Variants in IRAG1 observed in about 807,000 individuals in gnomAD.
IRAG1 encodes the protein inositol 1,4,5-triphosphate receptor associated 1.
In IRAG1, 62 loss-of-function variants were observed where a neutral mutation model predicts 106.2. That is an observed-to-expected ratio of 0.58 (90% confidence interval 0.48 to 0.72). The LOEUF is 0.72. Ranked by LOEUF, IRAG1 falls within the 30% of genes least tolerant of loss-of-function variation. IRAG1 has a pLI of 0.00. For missense variants in IRAG1, 1,064 were observed against 1,140.7 expected (o/e 0.93, Z 0.97); for synonymous variants, 462 against 443.9 (o/e 1.04, Z -0.51).
rs1333409112 is a variant in IRAG1 at position 10,573,901 on chromosome 11, G to C, written c.*2431C>G. On this transcript the variant is annotated 3_prime_UTR_variant, in exon 21 of 21. Coordinates refer to ENST00000423302, the MANE Select transcript of IRAG1 (RefSeq NM_130385.4). Reference sequence around the variant, plus strand: ...GCTCTGAGGGCCTCATGTAGCTAAAGCTCCTTCAGTTGTATCCAGACCCCC... The same window carrying C: ...GCTCTGAGGGCCTCATGTAGCTAAACCTCCTTCAGTTGTATCCAGACCCCC... The C allele has an allele frequency of 1.3e-5, 2 of 152,318 alleles. No individual in the cohort carries two copies. Among genetic ancestry groups the C allele is most frequent in the Non-Finnish European group, 1.5e-5 (1 of 68,152 alleles). 9.4% of individuals were successfully genotyped at this position (152,318 alleles called of 1,614,324 possible).
At chr11:10,653,029 C>T (rs1210389339) in intron 1 of IRAG1, among the ~76,000 whole-genome samples, 1 of 152,144 alleles carries the variant, frequency 6.6e-6, no homozygotes, top group East Asian at 1.9e-4. Context: ...ATTGGGACTG[C>T]AATCAGCATA....
chr11:10,587,962 A>G (rs1027145265), intron 18 of IRAG1, among the ~76,000 whole-genome samples: 1 of 152,228 alleles, frequency 6.6e-6, no homozygotes, highest in Non-Finnish European at 1.5e-5. Context: ...TAAAACAGAG[A>G]TATTAATAGT....
intron 1 of IRAG1, among the ~76,000 whole-genome samples, chr11:10,669,499 C>T (rs890373539): frequency 6.6e-6 from 1 of 152,200 alleles, no homozygotes; most frequent in Non-Finnish European, 1.5e-5. Flanking sequence ...GCAAATACAG[C>T]GACTCATTTC....
At chr11:10,684,201 T>A (rs931949398) in intron 1 of IRAG1, among the ~76,000 whole-genome samples, 1 of 152,126 alleles carries the variant, frequency 6.6e-6, no homozygotes, top group African/African-American at 2.4e-5. Context: ...AGACTTGGAA[T>A]CAACCCAAAT....
At chr11:10,664,920 T>C (rs931480121) in intron 1 of IRAG1, among the ~76,000 whole-genome samples, 1 of 152,182 alleles carries the variant, frequency 6.6e-6, no homozygotes, top group Non-Finnish European at 1.5e-5. Context: ...TCTTCTCAGA[T>C]CCTGATCAAG....
chr11:10,633,175 C>T lies in IRAG1; in HGVS notation c.329+793G>A, dbSNP rs564934415. Reference sequence around the variant, plus strand: ...CTGCAAGCTCCGCCTCCCGGGTTCACGCCATTCTCCTGCCTCAGCCTCCCG... The same window carrying T: ...CTGCAAGCTCCGCCTCCCGGGTTCATGCCATTCTCCTGCCTCAGCCTCCCG... On this transcript the variant is annotated intron_variant, in intron 3 of 20. Transcript: ENST00000423302. Among the ~76,000 whole-genome samples, 71 of 151,010 alleles carry T rather than the reference C, an allele frequency of 4.7e-4. 1 individual carries two copies. In the South Asian group the frequency reaches 8.6e-3, roughly 18 times the overall value.
chr11:10,674,048 G>A (rs982727357), intron 1 of IRAG1, among the ~76,000 whole-genome samples: 15 of 152,220 alleles, frequency 9.9e-5, no homozygotes, highest in African/African-American at 3.6e-4. Flanking sequence ...TGAATGTGCA[G>A]ATTACTCATC....
chr11:10,644,087 T>A (rs1857753341), intron 2 of IRAG1, among the ~76,000 whole-genome samples: 1 of 152,238 alleles, frequency 6.6e-6, no homozygotes, highest in Non-Finnish European at 1.5e-5. Context: ...TTTATAATGA[T>A]GGAGCATCAA....
rs1376251037 is a variant in IRAG1, at chr11:10,659,070, T to G, written c.68-6888A>C. The stretch of plus-strand genomic sequence containing the variant: ...GCTTAGTCCCAGGTCTGGGCTGTGC[T>G]CAGTCCCAGGTTGGTCTGGTTTCAA... On this transcript the variant is annotated intron_variant, in intron 1 of 20. Transcript: ENST00000423302. This position sits in a 1 kb window ranked among gnomAD's most constrained non-coding sequence, Gnocchi z 4.1. 3.9e-5 allele frequency among the ~76,000 whole-genome samples: 6 copies of G among 152,228 alleles called. No individual in the cohort carries two copies. Among genetic ancestry groups the G allele is most frequent in the Non-Finnish European group, 8.8e-5 (6 of 68,038 alleles).
At chr11:10,670,841 A>G (rs1860162522) in intron 1 of IRAG1, among the ~76,000 whole-genome samples, 1 of 152,244 alleles carries the variant, frequency 6.6e-6, no homozygotes, top group South Asian at 2.1e-4. Context: ...GTGGCCATCT[A>G]TAAGCAAGGA....
intron 10 of IRAG1, among the ~76,000 whole-genome samples, chr11:10,622,086 T>C (rs551598672): frequency 3.3e-5 from 5 of 152,248 alleles, no homozygotes; most frequent in African/African-American, 9.6e-5. Context: ...TACTTAAAAA[T>C]GGCTAAAATG....
At chr11:10,660,059 C>T (rs148780106) in intron 1 of IRAG1, among the ~76,000 whole-genome samples, 209 of 152,308 alleles carry the variant, frequency 1.4e-3, no homozygotes, top group African/African-American at 4.7e-3. Flanking sequence ...TCTGCCTCCC[C>T]ACATGGGTGA....
chr11:10,629,277 G>A (rs1056123690), intron 5 of IRAG1, among the ~76,000 whole-genome samples: 2 of 152,154 alleles, frequency 1.3e-5, no homozygotes, highest in Non-Finnish European at 2.9e-5. Flanking sequence ...GAGGATTTCT[G>A]GGCCCAGGAA....
chr11:10,610,729 T>C (rs1854882792), intron 10 of IRAG1, among the ~76,000 whole-genome samples: 2 of 152,216 alleles, frequency 1.3e-5, no homozygotes, highest in African/African-American at 4.8e-5. Flanking sequence ...GTCCCTGGCA[T>C]TGATGTTTGT....
At chr11:10,646,034 T>C (rs1366964673) in intron 2 of IRAG1, among the ~76,000 whole-genome samples, 1 of 152,218 alleles carries the variant, frequency 6.6e-6, no homozygotes, top group Non-Finnish European at 1.5e-5. Context: ...TTATCCAAGG[T>C]AGCAGTCAAG....
intron 18 of IRAG1, among the ~76,000 whole-genome samples, chr11:10,584,448 A>T (rs1243644965): frequency 1.3e-5 from 2 of 151,516 alleles, no homozygotes; most frequent in Non-Finnish European, 2.9e-5. Flanking sequence ...CTTCCATGTG[A>T]CCTTGGCCTA....
intron 1 of IRAG1, among the ~76,000 whole-genome samples, chr11:10,652,927 C>T (rs1858636990): frequency 6.6e-6 from 1 of 152,062 alleles, no homozygotes; most frequent in Non-Finnish European, 1.5e-5. Flanking sequence ...GTGCCCTGTG[C>T]CCACCCCTGG....
chr11:10,644,094 T>G (rs1195800393), intron 2 of IRAG1, among the ~76,000 whole-genome samples: 1 of 152,232 alleles, frequency 6.6e-6, no homozygotes, highest in East Asian at 1.9e-4. Flanking sequence ...TGATGGAGCA[T>G]CAAGCACCTG....
intron 2 of IRAG1, among the ~76,000 whole-genome samples, chr11:10,651,662 TG>T (rs1162740899): frequency 6.6e-6 from 1 of 152,254 alleles, no homozygotes; most frequent in Non-Finnish European, 1.5e-5. Flanking sequence ...TCACTTTAAG[TG>T]GCCTTTTCTC....
Sources: allele counts gnomAD v4.1 joint callset (sites outside exome capture counted in the v4.1 genomes callset), GRCh38; gene constraint gnomAD v4.1.1; non-coding constraint Gnocchi (gnomAD v3.1); transcripts MANE v1.5; gene names NCBI Gene and HGNC (gene_info 2026-07-23, HGNC 2026-07-21).